GPC5: variants seen among roughly 807,000 people sequenced by gnomAD.
GPC5 encodes glypican-5.
A neutral mutation model predicts 53.9 loss-of-function variants in GPC5; 47 were observed. The ratio of observed to expected loss-of-function variants is 0.87; its 90% confidence interval spans 0.69 to 1.11. GPC5 has a LOEUF of 1.11. Ranked by LOEUF, GPC5 falls within the 50% of genes most tolerant of loss-of-function variation. The pLI is 0.00. For missense variants in GPC5, 748 were observed against 713.1 expected, an observed-to-expected ratio of 1.05 and a Z score of -0.56; for synonymous variants, 286 against 263.3, an observed-to-expected ratio of 1.09 and a Z score of -0.84.
chr13:92,642,167 G>GTGTGCACT (rs1885616838), intron 7 of GPC5, among the ~76,000 whole-genome samples: 2 of 152,188 alleles, frequency 1.3e-5, no homozygotes, highest in Admixed American at 1.3e-4. Context: ...CTGAACAGTA[G>GTGTGCACT]TGTGCACTTG....
At chr13:92,753,350 C>T (rs1265477653) in intron 7 of GPC5, among the ~76,000 whole-genome samples, 2 of 152,078 alleles carry the variant, frequency 1.3e-5, no homozygotes, top group African/African-American at 2.4e-5. Flanking sequence ...CATCAAAGAC[C>T]AAAAGTAGAT....
At chr13:91,416,250 T>C (rs1041277390) in intron 1 of GPC5, among the ~76,000 whole-genome samples, 1 of 152,162 alleles carries the variant, frequency 6.6e-6, no homozygotes, top group Non-Finnish European at 1.5e-5. Flanking sequence ...CCTCATTAAG[T>C]TGACCTCAAA....
At chr13:92,840,541 C>T (rs1336292295) in intron 7 of GPC5, among the ~76,000 whole-genome samples, 2 of 151,900 alleles carry the variant, frequency 1.3e-5, no homozygotes, top group African/African-American at 2.4e-5. Flanking sequence ...ACATGTAAGC[C>T]CTTTAATTGT....
intron 6 of GPC5, among the ~76,000 whole-genome samples, chr13:91,979,231 T>TA (rs2040335585): frequency 6.6e-6 from 1 of 152,064 alleles, no homozygotes; most frequent in Non-Finnish European, 1.5e-5. Context: ...ATTTTTTTTT[T>TA]AAATCTGTGT....
intron 6 of GPC5, among the ~76,000 whole-genome samples, chr13:92,141,797 C>T (rs1216228576): frequency 2.0e-5 from 3 of 152,096 alleles, no homozygotes; most frequent in Non-Finnish European, 4.4e-5. Context: ...TGCTCCCAAG[C>T]TCGTCTAGGT....
intron 7 of GPC5, among the ~76,000 whole-genome samples, chr13:92,846,964 C>T (rs761092318): frequency 2.0e-4 from 30 of 152,148 alleles, no homozygotes; most frequent in Non-Finnish European, 3.4e-4. Context: ...GCCCTCTTTG[C>T]GGGGATAGTG....
intron 7 of GPC5, among the ~76,000 whole-genome samples, chr13:92,281,249 G>A (rs1267365912): frequency 6.6e-6 from 1 of 152,200 alleles, no homozygotes; most frequent in Non-Finnish European, 1.5e-5. Context: ...GAGCAGCCAG[G>A]AAGCTCGAAC....
At chr13:91,793,022 C>T (rs535237237) in intron 5 of GPC5, among the ~76,000 whole-genome samples, 190 of 152,262 alleles carry the variant, frequency 1.2e-3, no homozygotes, top group African/African-American at 4.3e-3. Flanking sequence ...TGAAACTCTT[C>T]TCACTAGGCT....
At chr13:91,401,566 A>C (rs1287108769) in intron 1 of GPC5, among the ~76,000 whole-genome samples, 1 of 152,154 alleles carries the variant, frequency 6.6e-6, no homozygotes, top group Admixed American at 6.5e-5. Flanking sequence ...AACACATTTA[A>C]TTTGATTTTG....
intron 7 of GPC5, among the ~76,000 whole-genome samples, chr13:92,834,068 G>A (rs561664937): frequency 1.3e-5 from 2 of 152,254 alleles, no homozygotes; most frequent in South Asian, 4.1e-4. Flanking sequence ...GGTAATGGCA[G>A]TAGGACTGGA....
rs571071713 is a variant in GPC5, at chr13:91,497,244, C to A, written c.325+48322C>A. 1.1e-4 allele frequency among the ~76,000 whole-genome samples: 17 copies of A among 152,040 alleles called. No homozygotes were observed. The South Asian group carries it at 3.5e-3, about 32-fold the overall frequency. On this transcript the variant is annotated intron_variant, in intron 2 of 7. Transcript: ENST00000377067. ...TCTGTCCAAACAAACTTGATTTAAA[C>A]CTTTCTGTAGGTAATTATGTGTCAG...
rs914653531 is a variant in GPC5, at chr13:91,891,418, T to G, written c.1281-16519T>G. Among the ~76,000 whole-genome samples, 7 of 152,158 alleles carry G rather than the reference T, an allele frequency of 4.6e-5. No individual in the cohort carries two copies. In the South Asian group the frequency reaches 1.2e-3, roughly 27 times the overall value. Reference sequence around the variant, plus strand: ...TTGCATGTTCTTGTATATTATGTTCTGTTTAAAGCCTTGGTAATACAACCA... The same window carrying G: ...TTGCATGTTCTTGTATATTATGTTCGGTTTAAAGCCTTGGTAATACAACCA... On this transcript the variant is annotated intron_variant, in intron 5 of 7. Transcript: ENST00000377067.
chr13:91,435,610 G>A (rs1879875460), intron 1 of GPC5, among the ~76,000 whole-genome samples: 1 of 152,096 alleles, frequency 6.6e-6, no homozygotes, highest in Admixed American at 6.5e-5. Flanking sequence ...GAGGATTTTT[G>A]CATCGATGTT....
At chr13:91,886,172 A>G (rs1324538796) in intron 5 of GPC5, among the ~76,000 whole-genome samples, 1 of 152,186 alleles carries the variant, frequency 6.6e-6, no homozygotes, top group African/African-American at 2.4e-5. Flanking sequence ...GCAGAAGGCA[A>G]AGTAGGAGCA....
At chr13:92,228,183 C>A (rs999248031) in intron 7 of GPC5, among the ~76,000 whole-genome samples, 2 of 140,594 alleles carry the variant, frequency 1.4e-5, no homozygotes, top group South Asian at 2.2e-4. Context: ...GAGGCAGGCA[C>A]ACTTGGTGTA....
chr13:92,830,627 A>G, intron 7 of GPC5, among the ~76,000 whole-genome samples: 1 of 152,252 alleles, frequency 6.6e-6, no homozygotes, highest in South Asian at 2.1e-4. Flanking sequence ...ATTTTTTTTA[A>G]AAAAGCTTTA....
chr13:92,506,419 G>A (rs1880370129), intron 7 of GPC5, among the ~76,000 whole-genome samples: 1 of 152,044 alleles, frequency 6.6e-6, no homozygotes, highest in Admixed American at 6.6e-5. Flanking sequence ...TCAAAAAATA[G>A]ATTACAGAAA....
At chr13:91,415,354 T>A (rs1365761875) in intron 1 of GPC5, among the ~76,000 whole-genome samples, 1 of 152,162 alleles carries the variant, frequency 6.6e-6, no homozygotes, top group African/African-American at 2.4e-5. Flanking sequence ...GGTGCTAACG[T>A]GATGTTCGTG....
chr13:92,818,617 T>C (rs1958017288), intron 7 of GPC5, among the ~76,000 whole-genome samples: 1 of 151,926 alleles, frequency 6.6e-6, no homozygotes, highest in South Asian at 2.1e-4. Flanking sequence ...TTTCCTTTTT[T>C]GCAAAATGTC....
Sources: allele counts gnomAD v4.1 joint callset (sites outside exome capture counted in the v4.1 genomes callset), GRCh38; gene constraint gnomAD v4.1.1; transcripts MANE v1.5; gene names NCBI Gene and HGNC (gene_info 2026-07-23, HGNC 2026-07-21).